ELMO1: variants seen among roughly 807,000 people sequenced by gnomAD.
The protein encoded by ELMO1 is engulfment and cell motility 1.
A neutral mutation model predicts 98.9 loss-of-function variants in ELMO1; 26 were observed. That is an observed-to-expected ratio of 0.26 (90% CI 0.19 to 0.36). ELMO1 has a LOEUF of 0.36. Among genes scored for constraint, ELMO1 ranks in the 10% least tolerant of loss-of-function variants. The pLI, the probability that ELMO1 is intolerant of heterozygous loss-of-function variation, is 1.00. For synonymous variants in ELMO1, 346 were observed against 346.0 expected (o/e 1.00, Z 0.00); for missense variants, 627 against 935.2 (o/e 0.67, Z 4.30).
At chr7:36,863,901 A>T (rs535355222) in intron 20 of ELMO1, among the ~76,000 whole-genome samples, 1 of 152,362 alleles carries the variant, frequency 6.6e-6, no homozygotes, top group Non-Finnish European at 1.5e-5. Context: ...CATTAAAATG[A>T]TGATTTCTTT....
intron 11 of ELMO1, among the ~76,000 whole-genome samples, chr7:37,214,964 A>C (rs1483352950): frequency 2.6e-5 from 4 of 152,226 alleles, no homozygotes; most frequent in Non-Finnish European, 5.9e-5. Context: ...CATCAAGGTA[A>C]TATGAAGACA....
At chr7:37,049,712 G>A (rs1795994409) in intron 15 of ELMO1, among the ~76,000 whole-genome samples, 1 of 151,974 alleles carries the variant, frequency 6.6e-6, no homozygotes, top group Non-Finnish European at 1.5e-5. Flanking sequence ...ATGATATCCA[G>A]GTGTTTGAGA....
chr7:37,411,938 C>T (rs915356155), intron 1 of ELMO1, among the ~76,000 whole-genome samples: 4 of 152,100 alleles, frequency 2.6e-5, no homozygotes, highest in Non-Finnish European at 5.9e-5. Flanking sequence ...AGTACAAGTA[C>T]ATATTTAATT....
At position 36,870,441 on chromosome 7, in the gene ELMO1, T is replaced by C; in HGVS notation, c.1857A>G (p.Gly619=). Residue 619 remains glycine, a synonymous_variant, in exon 20 of 22, where the codon GGA becomes GGG. Transcript: ENST00000310758. The surrounding 1 kb of genome is among the most constrained non-coding windows in gnomAD (Gnocchi z 4.4). ...PVADIKAVVT[G]KDCPHMKEKG... ...TCTCTTTCATATGAGGGCAGTCCTT[T>C]CCCGTCACCACGGCTTTGATATCTG... The C allele has an allele frequency of 6.2e-7, 1 of 1,614,086 alleles. No homozygotes were observed. Among genetic ancestry groups the C allele is most frequent in the Non-Finnish European group, 8.5e-7 (1 of 1,179,974 alleles).
intron 13 of ELMO1, among the ~76,000 whole-genome samples, chr7:37,210,213 C>G (rs968275321): frequency 2.0e-5 from 3 of 152,028 alleles, no homozygotes; most frequent in Non-Finnish European, 4.4e-5. Context: ...CAAATTTATC[C>G]TAATAATGTG....
At chr7:37,323,950 A>T (rs1055165475) in intron 2 of ELMO1, among the ~76,000 whole-genome samples, 2 of 152,174 alleles carry the variant, frequency 1.3e-5, no homozygotes, top group African/African-American at 4.8e-5. Context: ...TCTTAAAAAA[A>T]ATATGATCAC....
chr7:37,217,209 G>C (rs1390167226), intron 10 of ELMO1, among the ~76,000 whole-genome samples: 1 of 152,164 alleles, frequency 6.6e-6, no homozygotes, highest in Non-Finnish European at 1.5e-5. Flanking sequence ...AAATATCTGG[G>C]TGATGCAAAG....
intron 4 of ELMO1, among the ~76,000 whole-genome samples, chr7:37,311,387 G>C (rs552451761): frequency 6.6e-6 from 1 of 151,834 alleles, no homozygotes; most frequent in South Asian, 2.1e-4. Context: ...CGAAAAGACA[G>C]AGACAGTCTC....
At chr7:36,926,900 T>C (rs1785621045) in intron 16 of ELMO1, among the ~76,000 whole-genome samples, 1 of 152,244 alleles carries the variant, frequency 6.6e-6, no homozygotes, top group African/African-American at 2.4e-5. Flanking sequence ...TCCATATGTG[T>C]TAGAGAAAAA....
At chr7:37,142,773 T>C (rs769907080) in intron 13 of ELMO1, among the ~76,000 whole-genome samples, 13 of 152,208 alleles carry the variant, frequency 8.5e-5, no homozygotes, top group Non-Finnish European at 1.6e-4. Context: ...ATTTCTAGTG[T>C]TGCTATATGA....
chr7:37,080,720 G>C (rs972047338), intron 15 of ELMO1, among the ~76,000 whole-genome samples: 2 of 150,306 alleles, frequency 1.3e-5, no homozygotes, highest in African/African-American at 4.9e-5. Context: ...CAAAGTGCTG[G>C]AATTGCAGGT....
At chr7:37,227,332 T>C (rs1385187444) in intron 8 of ELMO1, among the ~76,000 whole-genome samples, 1 of 152,196 alleles carries the variant, frequency 6.6e-6, no homozygotes, top group East Asian at 1.9e-4. Context: ...ATATCCTTTT[T>C]ACAATATTTC....
At chr7:37,164,480 T>C (rs1789491134) in intron 13 of ELMO1, among the ~76,000 whole-genome samples, 2 of 152,234 alleles carry the variant, frequency 1.3e-5, no homozygotes, top group South Asian at 4.1e-4. Context: ...GGTCTAACAT[T>C]TAAATCTTTA....
At position 37,342,292 on chromosome 7, in the gene ELMO1, T is replaced by C. The variant is rs552335790; in HGVS notation, c.78+321A>G. Among the ~76,000 whole-genome samples, 2 of 152,330 alleles carry C rather than the reference T, an allele frequency of 1.3e-5. No homozygotes were observed. The highest frequency in any genetic ancestry group is 4.1e-4 in the South Asian group (2 of 4,832). ...TGTTCCAACAATCTGCACATATCCA[T>C]GTGTCATGGCAAGGCAGGGATGGGG... On this transcript the variant is annotated intron_variant, in intron 2 of 21. Transcript: ENST00000310758. The surrounding 1 kb of genome is among the most constrained non-coding windows in gnomAD (Gnocchi z 4.3).
chr7:37,286,670 G>A (rs1797405307), intron 4 of ELMO1, among the ~76,000 whole-genome samples: 1 of 152,158 alleles, frequency 6.6e-6, no homozygotes, highest in Admixed American at 6.5e-5. Context: ...AGGAGGGAGA[G>A]AAGGGAGAGA....
intron 14 of ELMO1, among the ~76,000 whole-genome samples, chr7:37,109,479 C>T (rs796146600): frequency 9.9e-5 from 15 of 152,254 alleles, no homozygotes; most frequent in African/African-American, 3.4e-4. Context: ...CCTTCCCTTC[C>T]ACACACCCCA....
chr7:37,384,586 G>A (rs1404961209), intron 1 of ELMO1, among the ~76,000 whole-genome samples: 1 of 152,126 alleles, frequency 6.6e-6, no homozygotes, highest in East Asian at 1.9e-4. Flanking sequence ...CGGGCGCGGT[G>A]GTGGGCGCCT....
intron 15 of ELMO1, among the ~76,000 whole-genome samples, chr7:37,040,755 C>A (rs1191759496): frequency 1.3e-5 from 2 of 152,150 alleles, no homozygotes; most frequent in Non-Finnish European, 2.9e-5. Context: ...CTCCCTTATT[C>A]CTGTATTATT....
intron 13 of ELMO1, among the ~76,000 whole-genome samples, chr7:37,171,420 C>T (rs898239244): frequency 7.0e-6 from 1 of 142,502 alleles, no homozygotes; most frequent in Non-Finnish European, 1.5e-5. Flanking sequence ...TATCTGATTT[C>T]TAGGTAAACT....
Sources: gnomAD v4.1 joint callset for allele counts (sites outside exome capture counted in the v4.1 genomes callset) on GRCh38, gnomAD v4.1.1 for gene constraint, Gnocchi (gnomAD v3.1) non-coding constraint, MANE v1.5 for transcripts, NCBI Gene and HGNC (gene_info 2026-07-23, HGNC 2026-07-21) for gene names.